Variants in FAM193B observed in about 807,000 individuals in gnomAD.
The protein encoded by FAM193B is protein FAM193B.
A neutral mutation model predicts 70.7 loss-of-function variants in FAM193B; 27 were observed. That is an observed-to-expected ratio of 0.38 (90% confidence interval 0.28 to 0.53). The LOEUF is 0.53. Among genes scored for constraint, FAM193B ranks in the 20% least tolerant of loss-of-function variants. The pLI is 0.81. For missense variants in FAM193B, 1,022 were observed against 1,072.5 expected, an observed-to-expected ratio of 0.95 and a Z score of 0.66; for synonymous variants, 448 against 436.0, an observed-to-expected ratio of 1.03 and a Z score of -0.34.
In FAM193B at chr5:177,554,430, C is replaced by A; in HGVS notation, c.29G>T (p.Gly10Val). Residue 10 changes from glycine to valine, a missense_variant, in exon 1 of 9, where the codon GGC (glycine) becomes GTC (valine). Transcript: ENST00000514747. Reference protein sequence around the residue: MTRRRSRPSGGAGRRERARA... With the variant: MTRRRSRPSVGAGRRERARA... ...AGCCCGCTCGCGCCTGCCCGCACCGCCGCTCGGCCTGCTCCGCCTCCGCGT... is the reference window on the plus strand; with the variant it reads ...AGCCCGCTCGCGCCTGCCCGCACCGACGCTCGGCCTGCTCCGCCTCCGCGT... The A allele has an allele frequency of 9.3e-7, 1 of 1,080,894 alleles. No homozygotes were observed. The highest frequency in any genetic ancestry group is 1.1e-6 in the Non-Finnish European group (1 of 893,464). 67.0% of individuals were successfully genotyped at this position (1,080,894 alleles called of 1,614,324 possible).
At chr5:177,523,280 A>C (rs1478533288) in intron 7 of FAM193B, 9 of 359,338 alleles carry the variant, frequency 2.5e-5, no homozygotes, top group Non-Finnish European at 5.3e-5. Flanking sequence ...GATGAGAAGC[A>C]TGAGCCACCG....
At chr5:177,551,901 G>C (rs1345562261) in intron 1 of FAM193B, 1 of 361,794 alleles carries the variant, frequency 2.8e-6, no homozygotes, top group Non-Finnish European at 3.8e-6. Context: ...TAGGTGCTTT[G>C]CACCAGGGCA....
chr5:177,551,651 C>G (rs192226139), intron 1 of FAM193B, among the ~76,000 whole-genome samples: 1 of 152,292 alleles, frequency 6.6e-6, no homozygotes, highest in African/African-American at 2.4e-5. Flanking sequence ...AAAATATTGG[C>G]TCAAATGAAA....
At chr5:177,551,014 T>TA (rs397826903) in intron 1 of FAM193B, among the ~76,000 whole-genome samples, 1 of 151,654 alleles carries the variant, frequency 6.6e-6, no homozygotes, top group South Asian at 2.1e-4. Context: ...TTTTTTTTTT[T>TA]ATAGAACCAG....
rs1292875100 is a variant in FAM193B at position 177,554,237 on chromosome 5, G to A, written c.210+12C>T. On this transcript the variant is annotated intron_variant, in intron 1 of 8. Transcript: ENST00000514747. ...GCGCCCGAGCCGCCGAAGTCTCCCCGCTCGCTCCTACCTGCGGGCCGGGCA... is the reference window on the plus strand; with the variant it reads ...GCGCCCGAGCCGCCGAAGTCTCCCCACTCGCTCCTACCTGCGGGCCGGGCA... 3 of 1,485,056 alleles carry A rather than the reference G, an allele frequency of 2.0e-6. No homozygotes were observed. Among genetic ancestry groups the A allele is most frequent in the Admixed American group, 4.4e-5 (2 of 45,914 alleles). The allele number at this position is 1,485,056 out of a possible 1,614,324, so 92.0% of individuals were successfully genotyped here.
chr5:177,548,748 C>A (rs1350492526), intron 1 of FAM193B, among the ~76,000 whole-genome samples: 1 of 152,228 alleles, frequency 6.6e-6, no homozygotes, highest in East Asian at 1.9e-4. Flanking sequence ...AGCTGTCTCT[C>A]CCACTGAGAA....
At chr5:177,522,216 G>A in intron 7 of FAM193B, 145 bp from the exon 8 acceptor site, 2 of 633,468 alleles carry the variant, frequency 3.2e-6, no homozygotes, top group Non-Finnish European at 5.6e-6. Flanking sequence ...GGTTTAGCAG[G>A]CATAGGAGCT....
Position 177,524,767 on chromosome 5 carries a change from CCCT to C in FAM193B, c.1711_1713del (p.Arg571del), listed in dbSNP as rs766203430. ...TCGGGGACGATACCGGGAGGGGGCC[CCCT>C]CACCTCTGTCCATGGTGGGTGGGGG... On this transcript the variant is annotated inframe_deletion, in exon 6 of 9. Coordinates refer to ENST00000514747, the MANE Select transcript of FAM193B (RefSeq NM_001190946.3). The C allele has an allele frequency of 2.6e-6, 4 of 1,527,962 alleles. No homozygotes were observed. The highest frequency in any genetic ancestry group is 3.5e-6 in the Non-Finnish European group (4 of 1,139,728). The allele number at this position is 1,527,962 out of a possible 1,614,324, so 94.7% of individuals were successfully genotyped here. A position where few individuals can be genotyped will look rare whatever the true frequency, so the allele number is the denominator to read the frequency against.
intron 1 of FAM193B, among the ~76,000 whole-genome samples, chr5:177,549,608 C>A (rs1765935329): frequency 6.6e-6 from 1 of 152,254 alleles, no homozygotes; most frequent in Admixed American, 6.5e-5. Flanking sequence ...GCTATATCTC[C>A]TTCTAGCATT....
At chr5:177,549,070 T>A (rs1177484352) in intron 1 of FAM193B, among the ~76,000 whole-genome samples, 2 of 152,152 alleles carry the variant, frequency 1.3e-5, no homozygotes, top group African/African-American at 2.4e-5. Context: ...TTCCTCTAGG[T>A]TATGTCTTGG....
chr5:177,552,560 G>C (rs528882009), intron 1 of FAM193B, among the ~76,000 whole-genome samples: 135 of 152,248 alleles, frequency 8.9e-4, no homozygotes, highest in Non-Finnish European at 1.8e-3. Context: ...TGCTGAATGG[G>C]AAGAAGAGAA....
chr5:177,531,312 G>C (rs375565581), intron 5 of FAM193B: 5 of 1,347,918 alleles, frequency 3.7e-6, no homozygotes, highest in Non-Finnish European at 5.0e-6. Flanking sequence ...GGGCCCGCTT[G>C]GCGGCCCTGG....
intron 1 of FAM193B, chr5:177,553,075 AG>A (rs1766505173): frequency 3.3e-6 from 2 of 614,400 alleles, no homozygotes; most frequent in African/African-American, 4.0e-5. Context: ...AGGGAGGCAC[AG>A]AGGGCTGTGG....
intron 5 of FAM193B, among the ~76,000 whole-genome samples, chr5:177,527,318 G>T (rs936624030): frequency 6.6e-6 from 1 of 152,236 alleles, no homozygotes; most frequent in Non-Finnish European, 1.5e-5. Flanking sequence ...GCTGGCAGGG[G>T]CTGATCGTGA....
At chr5:177,553,754 G>A (rs2127498230) in intron 1 of FAM193B, 6 of 1,287,822 alleles carry the variant, frequency 4.7e-6, no homozygotes, top group Non-Finnish European at 6.1e-6. Flanking sequence ...TGGGTATGGC[G>A]AGGAGGCGCC....
chr5:177,531,891 A>G, intron 5 of FAM193B: 1 of 1,188,312 alleles, frequency 8.4e-7, no homozygotes, highest in Non-Finnish European at 1.1e-6. Context: ...TAGCAATTTA[A>G]TTACTTTCAT....
Position 177,538,021 on chromosome 5 carries a change from GGATGAGGAT to G in FAM193B, c.531_539del (p.Ser183_Ser185del), listed in dbSNP as rs1340606224. ...TCCCAGGGCAGGAAGAGGAGGACGA[GGATGAGGAT>G]GATGAGGAGGAAGACGAGGACGAAT... On this transcript the variant is annotated inframe_deletion, in exon 3 of 9. Transcript: ENST00000514747. The surrounding 1 kb of genome is among the most constrained non-coding windows in gnomAD (Gnocchi z 4.1). The G allele has an allele frequency of 3.2e-6, 5 of 1,555,496 alleles. No homozygotes were observed. The East Asian group carries it at 9.7e-5, about 30-fold the overall frequency.
rs1581895852 is a variant in FAM193B, at chr5:177,536,529, T to G, written c.905A>C (p.His302Pro). Reference sequence around the variant, plus strand: ...GGAGCTCTGACATGGCCCTGGAGTGTGGGGGGCAGTGGCAGCAGCAACAGG... The same window carrying G: ...GGAGCTCTGACATGGCCCTGGAGTGGGGGGGGCAGTGGCAGCAGCAACAGG... ...ECPVAAATAP[H>P]TPGPCQSSHL... Residue 302 changes from histidine (H) to proline (P), a missense_variant, in exon 4 of 9, where the codon CAC becomes CCC. Physicochemically the swap from His to Pro is moderately conservative, Grantham distance 77 (BLOSUM62 -2). Coordinates refer to ENST00000514747, the MANE Select transcript of FAM193B (RefSeq NM_001190946.3). 2.0e-6 allele frequency: 3 copies of G among 1,515,086 alleles called. No homozygotes were observed. The highest frequency in any genetic ancestry group is 4.9e-5 in the Admixed American group (2 of 40,726). 93.9% of individuals were successfully genotyped at this position (1,515,086 alleles called of 1,614,324 possible). A position where few individuals can be genotyped will look rare whatever the true frequency, so the allele number is the denominator to read the frequency against.
chr5:177,534,404 C>T (rs1561767902), intron 4 of FAM193B, among the ~76,000 whole-genome samples: 1 of 149,016 alleles, frequency 6.7e-6, no homozygotes, highest in Non-Finnish European at 1.5e-5. Context: ...TCATGCGATT[C>T]TCCTGCCTCA....
Sources: allele counts gnomAD v4.1 joint callset (sites outside exome capture counted in the v4.1 genomes callset), GRCh38; gene constraint gnomAD v4.1.1; non-coding constraint Gnocchi (gnomAD v3.1); transcripts MANE v1.5; gene names NCBI Gene and HGNC (gene_info 2026-07-23, HGNC 2026-07-21).